YIPF5: variants seen among roughly 807,000 people sequenced by gnomAD.
YIPF5 encodes the protein protein YIPF5.
A neutral mutation model predicts 30.4 loss-of-function variants in YIPF5; 8 were observed. The ratio of observed to expected loss-of-function variants is 0.26; its 90% CI spans 0.15 to 0.47. The LOEUF is 0.47. Among genes scored for constraint, YIPF5 ranks in the 20% least tolerant of loss-of-function variants. The pLI, the probability that YIPF5 is intolerant of heterozygous loss-of-function variation, is 0.99. For synonymous variants in YIPF5, 104 were observed against 107.9 expected (o/e 0.96, Z 0.23); for missense variants, 282 against 301.8 (o/e 0.93, Z 0.49).
In YIPF5 at chr5:144,159,669, C is replaced by G. The variant is rs552065539; in HGVS notation, c.*728G>C. ...ACAAGGCAATTTTTCTTTCCTAAAT[C>G]CTTGGAAAAATATTTTTGCAGTAAG... On this transcript the variant is annotated 3_prime_UTR_variant, in exon 6 of 6. Transcript: ENST00000274496. 1.0e-6 allele frequency: 1 copy of G among 983,526 alleles called. No homozygotes were observed. The highest frequency in any genetic ancestry group is 1.8e-5 in the African/African-American group (1 of 56,836). The allele number at this position is 983,526 out of a possible 1,614,324, so 60.9% of individuals were successfully genotyped here.
intron 2 of YIPF5, among the ~76,000 whole-genome samples, chr5:144,167,855 C>T (rs529268786): frequency 2.6e-5 from 4 of 152,244 alleles, no homozygotes; most frequent in South Asian, 2.1e-4. Context: ...AAGTTATTAG[C>T]GGATCTTTGT....
rs1033686343 is a variant in YIPF5, at chr5:144,159,917, C to A, written c.*480G>T. 6 of 779,134 alleles carry A rather than the reference C, an allele frequency of 7.7e-6. No homozygotes were observed. Among genetic ancestry groups the A allele is most frequent in the Non-Finnish European group, 7.8e-6 (5 of 641,990 alleles). 48.3% of individuals were successfully genotyped at this position (779,134 alleles called of 1,614,324 possible). ...TAGAGTCGGGGTTTCACCGTGTTAA[C>A]CAGGATGGTCTCGATCTCCTGCCCT... On this transcript the variant is annotated 3_prime_UTR_variant, in exon 6 of 6. Coordinates refer to ENST00000274496, the MANE Select transcript of YIPF5 (RefSeq NM_030799.9).
rs546068161 is a variant in YIPF5 at position 144,158,296 on chromosome 5, C to T, written c.*2101G>A. The T allele has an allele frequency of 6.7e-6, 4 of 599,058 alleles. No individual in the cohort carries two copies. Among genetic ancestry groups the T allele is most frequent in the Non-Finnish European group, 5.1e-6 (2 of 392,602 alleles). 37.1% of individuals were successfully genotyped at this position (599,058 alleles called of 1,614,324 possible). On this transcript the variant is annotated 3_prime_UTR_variant, in exon 6 of 6. Coordinates refer to ENST00000274496, the MANE Select transcript of YIPF5 (RefSeq NM_030799.9). ...TAGAACATCAAATGCAACTCCACTGCATAGCTGTTTTGACAGAGCAACAGT... is the reference window on the plus strand; with the variant it reads ...TAGAACATCAAATGCAACTCCACTGTATAGCTGTTTTGACAGAGCAACAGT...
chr5:144,166,841 T>A (rs1411712890), intron 2 of YIPF5, among the ~76,000 whole-genome samples: 1 of 152,126 alleles, frequency 6.6e-6, no homozygotes, highest in Non-Finnish European at 1.5e-5. Context: ...CTCAAGAGAA[T>A]CCTTAAATGA....
chr5:144,160,283 G>C lies in YIPF5; in HGVS notation c.*114C>G. ...CACGTTTACTTTCATTGCTCCAACA[G>C]TCAAATGTAAATCTGCATGAGAGTT... is the stretch of plus-strand genomic sequence containing the variant. On this transcript the variant is annotated 3_prime_UTR_variant, in exon 6 of 6. Transcript: ENST00000274496. 1 of 1,502,504 alleles carries C rather than the reference G, an allele frequency of 6.7e-7. No homozygotes were observed. Among genetic ancestry groups the C allele is most frequent in the Non-Finnish European group, 8.9e-7 (1 of 1,126,778 alleles). The allele number at this position is 1,502,504 out of a possible 1,614,324, so 93.1% of individuals were successfully genotyped here.
Position 144,164,119 on chromosome 5 carries a change from A to T in YIPF5, c.421T>A (p.Leu141Met). The change falls in exon 4 of 6, where the codon TTG (leucine) becomes ATG (methionine). Residue 141 changes from leucine to methionine, a missense_variant. By Grantham distance (15) the Leu-to-Met change is conservative. Coordinates refer to ENST00000274496, the MANE Select transcript of YIPF5 (RefSeq NM_030799.9). ...MVFCLAFGAT[L>M]LLAGKIQFGY... ...TGAAATGAAAATCTTACCAGTAGCA[A>T]TGTGGCTCCAAAAGCAAGGCAAAAA... The T allele has an allele frequency of 4.3e-6, 7 of 1,612,670 alleles. No homozygotes were observed. Among genetic ancestry groups the T allele is most frequent in the Non-Finnish European group, 5.9e-6 (7 of 1,179,648 alleles).
rs760639042 is a variant in YIPF5, at chr5:144,162,253, G to A, written c.576C>T (p.Ile192=). 2.5e-6 allele frequency: 4 copies of A among 1,614,002 alleles called. No individual in the cohort carries two copies. The South Asian group carries it at 3.3e-5, about 13-fold the overall frequency. The change falls in exon 5 of 6, where the codon ATC becomes ATT. Residue 192 remains isoleucine, a synonymous_variant. Transcript: ENST00000274496. ...ATATCACTGCAAAGCTGGAAAGTAG[G>A]ATCATGGGCAGAAGACAATATCCAA... The part of the protein sequence containing the change: ...SVLGYCLLPM[I]LLSSFAVIFS...
chr5:144,165,684 A>T, intron 2 of YIPF5, 80 bp from the exon 3 acceptor site: 1 of 1,401,076 alleles, frequency 7.1e-7, no homozygotes, highest in Non-Finnish European at 9.6e-7. Context: ...CTAAATTTTC[A>T]TGTGACAGCT....
intron 3 of YIPF5, among the ~76,000 whole-genome samples, 186 bp from the exon 4 acceptor site, chr5:144,164,442 G>A (rs552514443): frequency 3.9e-5 from 6 of 152,228 alleles, no homozygotes; most frequent in African/African-American, 1.4e-4. Context: ...CTGGAGTGCA[G>A]TGGCATGATC....
rs1263345266 is a variant in YIPF5 at position 144,170,103 on chromosome 5, C to G, written c.-10-138G>C. The G allele has an allele frequency of 9.0e-6, 6 of 665,558 alleles. No homozygotes were observed. The Admixed American group carries it at 9.9e-5, about 11-fold the overall frequency. The allele number at this position is 665,558 out of a possible 1,614,324, so 41.2% of individuals were successfully genotyped here. A position where few individuals can be genotyped will look rare whatever the true frequency, so the allele number is the denominator to read the frequency against. On this transcript the variant is annotated intron_variant, in intron 1 of 5. Coordinates refer to ENST00000274496, the MANE Select transcript of YIPF5 (RefSeq NM_030799.9). ...GGAGAGGGGATGGGGGCGGAAAGTACGCAGCATTTGAACGACGGTAGCGGA... is the reference window on the plus strand; with the variant it reads ...GGAGAGGGGATGGGGGCGGAAAGTAGGCAGCATTTGAACGACGGTAGCGGA...
In YIPF5 at chr5:144,160,085, T is replaced by C; in HGVS notation, c.*312A>G. 1 of 1,030,086 alleles carries C rather than the reference T, an allele frequency of 9.7e-7. No homozygotes were observed. Among genetic ancestry groups the C allele is most frequent in the Non-Finnish European group, 1.2e-6 (1 of 859,738 alleles). The allele number at this position is 1,030,086 out of a possible 1,614,324, so 63.8% of individuals were successfully genotyped here. ...TTTGTGTTTGGTTTCCCACAGTTGA[T>C]AAAAATCTATCAAAAACATTATAAT... On this transcript the variant is annotated 3_prime_UTR_variant, in exon 6 of 6. Coordinates refer to ENST00000274496, the MANE Select transcript of YIPF5 (RefSeq NM_030799.9).
chr5:144,160,312 C>T lies in YIPF5; in HGVS notation c.*85G>A. 6.5e-7 allele frequency: 1 copy of T among 1,535,698 alleles called. No individual in the cohort carries two copies. On this transcript the variant is annotated 3_prime_UTR_variant, in exon 6 of 6. Transcript: ENST00000274496. ...AATGTAAATCTGCATGAGAGTTGCG[C>T]TGCAGCAGTTTGCTGGTCCAATTTA... is the stretch of plus-strand genomic sequence containing the variant.
rs1311921416 is a variant in YIPF5 at position 144,162,232 on chromosome 5, C to A, written c.597G>T (p.Val199=). The change falls in exon 5 of 6, where the codon GTG becomes GTT. Residue 199 remains valine, a synonymous_variant. Transcript: ENST00000274496. Reference sequence around the variant, plus strand: ...ACAGTACTTACTGCAAAGAAAATATCACTGCAAAGCTGGAAAGTAGGATCA... The same window carrying A: ...ACAGTACTTACTGCAAAGAAAATATAACTGCAAAGCTGGAAAGTAGGATCA... The part of the protein sequence containing the change: ...LPMILLSSFA[V]IFSLQGMVGI... 1.2e-6 allele frequency: 2 copies of A among 1,613,638 alleles called. No homozygotes were observed. The highest frequency in any genetic ancestry group is 4.5e-5 in the East Asian group (2 of 44,848).
rs1168293102 is a variant in YIPF5 at position 144,169,832 on chromosome 5, A to C, written c.110+14T>G. 6.2e-7 allele frequency: 1 copy of C among 1,605,082 alleles called. No individual in the cohort carries two copies. Among genetic ancestry groups the C allele is most frequent in the African/African-American group, 1.3e-5 (1 of 74,662 alleles). ...CAATGTAGACTAAATTAATTGCCAAAGATGAAAAGTTACTTGCTATAGGGT... is the reference window on the plus strand; with the variant it reads ...CAATGTAGACTAAATTAATTGCCAACGATGAAAAGTTACTTGCTATAGGGT... On this transcript the variant is annotated intron_variant, in intron 2 of 5. Coordinates refer to ENST00000274496, the MANE Select transcript of YIPF5 (RefSeq NM_030799.9).
At chr5:144,166,559 AGTT>A in intron 2 of YIPF5, among the ~76,000 whole-genome samples, 1 of 152,178 alleles carries the variant, frequency 6.6e-6, no homozygotes, top group East Asian at 1.9e-4. Context: ...TCATAATGTC[AGTT>A]GTTTTCCTTG....
chr5:144,158,738 C>A lies in YIPF5; in HGVS notation c.*1659G>T. On this transcript the variant is annotated 3_prime_UTR_variant, in exon 6 of 6. Coordinates refer to ENST00000274496, the MANE Select transcript of YIPF5 (RefSeq NM_030799.9). ...AATTTGGTAAGTTTGAAAACCTAGC[C>A]CAAAACAAATTAATGACAAGTGGGT... 2 of 1,001,472 alleles carry A rather than the reference C, an allele frequency of 2.0e-6. No individual in the cohort carries two copies. Among genetic ancestry groups the A allele is most frequent in the South Asian group, 4.3e-5 (1 of 23,452 alleles). The allele number at this position is 1,001,472 out of a possible 1,614,324, so 62.0% of individuals were successfully genotyped here.
rs1751941100 is a variant in YIPF5 at position 144,158,761 on chromosome 5, G to A, written c.*1636C>T. On this transcript the variant is annotated 3_prime_UTR_variant, in exon 6 of 6. Transcript: ENST00000274496. ...GCCCAAAACAAATTAATGACAAGTG[G>A]GTTTCTCCAGACGATTAATGAAGAA... 1 of 996,316 alleles carries A rather than the reference G, an allele frequency of 1.0e-6. No individual in the cohort carries two copies. The highest frequency in any genetic ancestry group is 1.2e-6 in the Non-Finnish European group (1 of 837,566). The allele number at this position is 996,316 out of a possible 1,614,324, so 61.7% of individuals were successfully genotyped here. A position where few individuals can be genotyped will look rare whatever the true frequency, so the allele number is the denominator to read the frequency against.
chr5:144,161,302 C>A (rs367953523), intron 5 of YIPF5, among the ~76,000 whole-genome samples: 19 of 148,410 alleles, frequency 1.3e-4, no homozygotes, highest in African/African-American at 4.5e-4. Context: ...AGAGGAGGAA[C>A]CTTATTGGCG....
At position 144,162,576 on chromosome 5, in the gene YIPF5, C is replaced by A. The variant is rs962791423; in HGVS notation, c.430-177G>T. ...GACTGGCTTGTTACATTCTTTGTAA[C>A]TTTAAAGTACAGAGATATTTGGTTC... On this transcript the variant is annotated intron_variant, in intron 4 of 5. Coordinates refer to ENST00000274496, the MANE Select transcript of YIPF5 (RefSeq NM_030799.9). 3.3e-4 allele frequency among the ~76,000 whole-genome samples: 51 copies of A among 152,268 alleles called. 1 individual carries two copies. The highest frequency in any genetic ancestry group is 1.2e-3 in the African/African-American group (51 of 41,548).
Sources: allele counts gnomAD v4.1 joint callset (sites outside exome capture counted in the v4.1 genomes callset), GRCh38; gene constraint gnomAD v4.1.1; transcripts MANE v1.5; gene names NCBI Gene and HGNC (gene_info 2026-07-23, HGNC 2026-07-21).